ADARB2: variants seen among roughly 807,000 people sequenced by gnomAD.
ADARB2 encodes inactive double-stranded RNA-specific editase B2.
Under a neutral mutation model 62.2 loss-of-function variants are expected in ADARB2, and 25 were observed. That is an observed-to-expected ratio of 0.40 (90% CI 0.29 to 0.56). The LOEUF (loss-of-function observed/expected upper bound fraction) is 0.56, where lower values mean the gene tolerates loss of function less well. Among genes scored for constraint, ADARB2 ranks in the 20% least tolerant of loss-of-function variants. ADARB2 has a pLI of 0.43. For missense variants in ADARB2, 1,071 were observed against 1,077.4 expected (o/e 0.99, Z 0.08); for synonymous variants, 572 against 500.8 (o/e 1.14, Z -1.90).
At chr10:1,422,948 T>C (rs2805544) in intron 1 of ADARB2, among the ~76,000 whole-genome samples, 64,503 of 152,020 alleles carry the variant, frequency 0.42, 15,694 homozygotes, top group East Asian at 0.68. Context: ...CTGGGAGCAG[T>C]GGCACCCACC....
At chr10:1,365,352 C>T (rs886863657) in intron 2 of ADARB2, among the ~76,000 whole-genome samples, 2 of 152,100 alleles carry the variant, frequency 1.3e-5, no homozygotes, top group Admixed American at 6.5e-5. Flanking sequence ...ACGGACCGGC[C>T]GTTCCCTCAT....
At chr10:1,192,395 C>A (rs74605360) in intron 8 of ADARB2, among the ~76,000 whole-genome samples, 1 of 152,186 alleles carries the variant, frequency 6.6e-6, no homozygotes, top group Non-Finnish European at 1.5e-5. Context: ...CACGCACACC[C>A]ACACACCCTT....
At chr10:1,437,308 G>T (rs2805551) in intron 1 of ADARB2, among the ~76,000 whole-genome samples, 118 of 152,266 alleles carry the variant, frequency 7.7e-4, no homozygotes, top group African/African-American at 2.7e-3. Context: ...ATGTGTGTGT[G>T]TGTATATATG....
At chr10:1,619,289 T>TAAAAAAAAAAAA (rs59098282) in intron 1 of ADARB2, among the ~76,000 whole-genome samples, 2 of 115,764 alleles carry the variant, frequency 1.7e-5, no homozygotes, top group Non-Finnish European at 1.9e-5. Context: ...ACATTGAAAG[T>TAAAAAAAAAAAA]AAAAAAAAAA....
intron 1 of ADARB2, among the ~76,000 whole-genome samples, chr10:1,687,595 C>G (rs1208393530): frequency 6.7e-6 from 1 of 149,808 alleles, no homozygotes. Context: ...GCATTAGATT[C>G]AAAAATAAAT....
At chr10:1,605,767 G>A (rs893146850) in intron 1 of ADARB2, among the ~76,000 whole-genome samples, 2 of 152,174 alleles carry the variant, frequency 1.3e-5, no homozygotes, top group Non-Finnish European at 2.9e-5. Flanking sequence ...ATAACAGGAA[G>A]AGTGATGCAA....
chr10:1,603,766 G>A (rs1833460713), intron 1 of ADARB2, among the ~76,000 whole-genome samples: 1 of 151,230 alleles, frequency 6.6e-6, no homozygotes, highest in East Asian at 1.9e-4. Flanking sequence ...ATTTGCTTAG[G>A]CACAAACTGT....
In ADARB2 at chr10:1,191,105, G is replaced by A. The variant is rs544861723; in HGVS notation, c.1865-6066C>T. On this transcript the variant is annotated intron_variant, in intron 8 of 9. Coordinates refer to ENST00000381312, the MANE Select transcript of ADARB2 (RefSeq NM_018702.4). ...TTGCACGCTCTGGGCCCCACACTCC[G>A]CAGAATGGGGGTTTGCACACTCTGG... 2.4e-4 allele frequency among the ~76,000 whole-genome samples: 36 copies of A among 152,178 alleles called. No homozygotes were observed. The East Asian group carries it at 6.2e-3, about 26-fold the overall frequency.
intron 1 of ADARB2, among the ~76,000 whole-genome samples, chr10:1,467,032 T>G (rs1588268811): frequency 1.3e-5 from 2 of 151,610 alleles, no homozygotes; most frequent in South Asian, 4.2e-4. Flanking sequence ...TGGTTTCCGG[T>G]CTATTTACAG....
chr10:1,538,832 A>C lies in ADARB2; in HGVS notation c.101-159672T>G, dbSNP rs546882067. 2.3e-3 allele frequency among the ~76,000 whole-genome samples: 349 copies of C among 152,266 alleles called. 1 individual carries two copies. The highest frequency in any genetic ancestry group is 3.6e-3 in the Non-Finnish European group (242 of 68,016). On this transcript the variant is annotated intron_variant, in intron 1 of 9. Coordinates refer to ENST00000381312, the MANE Select transcript of ADARB2 (RefSeq NM_018702.4). Reference sequence around the variant, plus strand: ...GCCGCCTGACCCTGGCTGCTGCCGCATGCAGTGGACACTCAGTTCCACCCC... The same window carrying C: ...GCCGCCTGACCCTGGCTGCTGCCGCCTGCAGTGGACACTCAGTTCCACCCC...
chr10:1,364,726 T>C (rs188740736), intron 2 of ADARB2, among the ~76,000 whole-genome samples: 255 of 152,336 alleles, frequency 1.7e-3, no homozygotes, highest in Non-Finnish European at 3.0e-3. Flanking sequence ...TGATTTAAAG[T>C]ACAGGCATGC....
chr10:1,423,972 C>CTATGTATGCAGTATGACCAT (rs1832873037), intron 1 of ADARB2, among the ~76,000 whole-genome samples: 1 of 152,168 alleles, frequency 6.6e-6, no homozygotes, highest in Non-Finnish European at 1.5e-5. Flanking sequence ...AGTAGGACCA[C>CTATGTATGCAGTATGACCAT]TATGTATGCA....
chr10:1,205,898 C>A (rs529935643), intron 7 of ADARB2, among the ~76,000 whole-genome samples: 2,595 of 108,564 alleles, frequency 0.024, 32 homozygotes, highest in Middle Eastern at 0.05. Context: ...CATGGGGCAG[C>A]CCACTGGGGT....
At chr10:1,732,369 G>A (rs1835245430) in intron 1 of ADARB2, among the ~76,000 whole-genome samples, 1 of 150,686 alleles carries the variant, frequency 6.6e-6, no homozygotes, top group Non-Finnish European at 1.5e-5. Context: ...GCGCTTCTGA[G>A]ATGGTTCTTC....
chr10:1,264,112 C>T (rs1457074635), intron 4 of ADARB2, among the ~76,000 whole-genome samples: 1 of 152,150 alleles, frequency 6.6e-6, no homozygotes, highest in Non-Finnish European at 1.5e-5. Context: ...AGAGACACAG[C>T]ATCAGCTTCA....
At chr10:1,405,355 C>A (rs1237545827) in intron 1 of ADARB2, among the ~76,000 whole-genome samples, 1 of 152,194 alleles carries the variant, frequency 6.6e-6, no homozygotes, top group Non-Finnish European at 1.5e-5. Flanking sequence ...GAAACTCAGG[C>A]TGGCTCTAGC....
Position 1,714,380 on chromosome 10 carries a change from C to A in ADARB2, c.100+22671G>T, listed in dbSNP as rs181239068. 6.6e-5 allele frequency among the ~76,000 whole-genome samples: 10 copies of A among 152,284 alleles called. No individual in the cohort carries two copies. The East Asian group carries it at 1.9e-3, about 29-fold the overall frequency. ...AATCTCTCTTTCATTTATTAAAAAC[C>A]AAAGCTAAAATAATTCACTTACTGA... On this transcript the variant is annotated intron_variant, in intron 1 of 9. Coordinates refer to ENST00000381312, the MANE Select transcript of ADARB2 (RefSeq NM_018702.4).
At chr10:1,600,693 GT>G (rs1403373322) in intron 1 of ADARB2, among the ~76,000 whole-genome samples, 3 of 144,746 alleles carry the variant, frequency 2.1e-5, no homozygotes, top group Non-Finnish European at 4.5e-5. Context: ...AAGATTCAGT[GT>G]TACCAGAAAG....
chr10:1,308,058 T>C (rs1831647821), intron 3 of ADARB2, among the ~76,000 whole-genome samples: 1 of 145,316 alleles, frequency 6.9e-6, no homozygotes, highest in Non-Finnish European at 1.5e-5. Context: ...TGTGCACATG[T>C]ACCCTAAAAC....
Sources: allele counts gnomAD v4.1 joint callset (sites outside exome capture counted in the v4.1 genomes callset), GRCh38; gene constraint gnomAD v4.1.1; transcripts MANE v1.5; gene names NCBI Gene and HGNC (gene_info 2026-07-23, HGNC 2026-07-21).